Variants in HDAC2 observed in about 807,000 individuals in gnomAD.
HDAC2 encodes YY1-associated factor 1.
In HDAC2, 5 loss-of-function variants were observed where a neutral mutation model predicts 68.5. The observed-to-expected ratio is 0.07, with a 90% confidence interval of 0.04 to 0.15. The LOEUF (loss-of-function observed/expected upper bound fraction) is 0.15, where lower values mean the gene tolerates loss of function less well. Ranked by LOEUF, HDAC2 falls within the 10% of genes least tolerant of loss-of-function variation. The pLI, the probability that HDAC2 is intolerant of heterozygous loss-of-function variation, is 1.00. For missense variants in HDAC2, 291 were observed against 600.8 expected, an observed-to-expected ratio of 0.48 and a Z score of 5.39; for synonymous variants, 182 against 191.3, an observed-to-expected ratio of 0.95 and a Z score of 0.40.
At position 113,960,006 on chromosome 6, in the gene HDAC2, T is replaced by A; in HGVS notation, c.65A>T (p.Asn22Ile). The change falls in exon 2 of 14, where the codon AAT becomes ATT. Residue 22 changes from asparagine (N) to isoleucine (I), a missense_variant. This residue lies in a region of HDAC2 where 154 missense variants were observed against 472.1 expected (regional missense o/e 0.33). Transcript: ENST00000519065. ...VCYYYDGDIG[N>I]YYYGQGHPMK... ...GGGATGACCCTGTCCATAATAATAA[T>A]TTCCAATATCACCTAAAATAGAAAA... 3 of 1,510,582 alleles carry A rather than the reference T, an allele frequency of 2.0e-6. No homozygotes were observed. Among genetic ancestry groups the A allele is most frequent in the Non-Finnish European group, 2.8e-6 (3 of 1,086,222 alleles). 93.6% of individuals were successfully genotyped at this position (1,510,582 alleles called of 1,614,324 possible).
rs1352592381 is a variant in HDAC2 at position 113,949,237 on chromosome 6, T to C, written c.663A>G (p.Lys221=). 1 of 1,600,974 alleles carries C rather than the reference T, an allele frequency of 6.2e-7. No homozygotes were observed. Among genetic ancestry groups the C allele is most frequent in the South Asian group, 1.1e-5 (1 of 90,848 alleles). The stretch of plus-strand genomic sequence containing the variant: ...TCATTGGAAAATTGACAGCATAGTA[T>C]TTGCCTTTTCCAGCACCAATATCCT... ...DLRDIGAGKG[K]YYAVNFPMRD... The change falls in exon 7 of 14, where the codon AAA becomes AAG. Residue 221 remains lysine (K), a synonymous_variant. Coordinates refer to ENST00000519065, the MANE Select transcript of HDAC2 (RefSeq NM_001527.4).
rs1415387007 is a variant in HDAC2 at position 113,936,582 on chromosome 6, T to C, written c.*4476A>G. The C allele has an allele frequency of 1.3e-5, 2 of 152,148 alleles. No homozygotes were observed. The highest frequency in any genetic ancestry group is 2.1e-4 in the South Asian group (1 of 4,830). The allele number at this position is 152,148 out of a possible 1,614,324, so 9.4% of individuals were successfully genotyped here. ...TATGACCTAGTAGTCTTCACACTAG[T>C]AGGCATCAAACTGCAATAAAAGGCT... On this transcript the variant is annotated 3_prime_UTR_variant, in exon 14 of 14. Transcript: ENST00000519065.
At chr6:113,958,995 T>C (rs934940769) in intron 2 of HDAC2, among the ~76,000 whole-genome samples, 5 of 152,166 alleles carry the variant, frequency 3.3e-5, no homozygotes, top group Non-Finnish European at 5.9e-5. Flanking sequence ...ATATCAACTA[T>C]GATTTAATCA....
chr6:113,953,582 T>G (rs893374983), intron 5 of HDAC2, among the ~76,000 whole-genome samples, 164 bp from the exon 6 acceptor site: 2 of 152,248 alleles, frequency 1.3e-5, no homozygotes, highest in Non-Finnish European at 2.9e-5. Context: ...GGTTTGAGCC[T>G]CAGGCCTTTA....
At chr6:113,942,368 G>A (rs1776156113) in intron 12 of HDAC2, among the ~76,000 whole-genome samples, 1 of 148,136 alleles carries the variant, frequency 6.8e-6, no homozygotes, top group Non-Finnish European at 1.5e-5. Context: ...ATTGAGGAGT[G>A]AATCCACAAG....
chr6:113,952,038 G>A (rs529091064), intron 6 of HDAC2, among the ~76,000 whole-genome samples: 2 of 152,300 alleles, frequency 1.3e-5, no homozygotes, highest in South Asian at 2.1e-4. Context: ...CCACTAGGAT[G>A]TAATGGTTGT....
In HDAC2 at chr6:113,938,453, T is replaced by G. The variant is rs1051785385; in HGVS notation, c.*2605A>C. ...TTTTTGTTATCAAATATATCTTTTA[T>G]AGTTGAGTTTGGTGTCACACTTAGG... is the stretch of plus-strand genomic sequence containing the variant. On this transcript the variant is annotated 3_prime_UTR_variant, in exon 14 of 14. Coordinates refer to ENST00000519065, the MANE Select transcript of HDAC2 (RefSeq NM_001527.4). 6.6e-6 allele frequency: 1 copy of G among 152,166 alleles called. No homozygotes were observed. The highest frequency in any genetic ancestry group is 2.4e-5 in the African/African-American group (1 of 41,450). The allele number at this position is 152,166 out of a possible 1,614,324, so 9.4% of individuals were successfully genotyped here. A position where few individuals can be genotyped will look rare whatever the true frequency, so the allele number is the denominator to read the frequency against.
rs796921870 is a variant in HDAC2 at position 113,953,193 on chromosome 6, GGA to G, written c.639+82_639+83del. ...ATACAAGTTTCAAATTATTAACTCA[GGA>G]GAAAAATACTACTTCAAGTATAGGA... is the stretch of plus-strand genomic sequence containing the variant. On this transcript the variant is annotated intron_variant, in intron 6 of 13. Coordinates refer to ENST00000519065, the MANE Select transcript of HDAC2 (RefSeq NM_001527.4). The G allele has an allele frequency of 1.1e-4, 105 of 934,162 alleles. No individual in the cohort carries two copies. In the African/African-American group the frequency reaches 1.6e-3, roughly 14 times the overall value. 57.9% of individuals were successfully genotyped at this position (934,162 alleles called of 1,614,324 possible).
Position 113,946,159 on chromosome 6 carries a change from A to G in HDAC2, c.842-11T>C, listed in dbSNP as rs752120936. 4 of 1,605,932 alleles carry G rather than the reference A, an allele frequency of 2.5e-6. No individual in the cohort carries two copies. The highest frequency in any genetic ancestry group is 8.5e-7 in the Non-Finnish European group (1 of 1,175,454). On this transcript the variant is annotated splice_polypyrimidine_tract_variant and intron_variant, in intron 8 of 13. Coordinates refer to ENST00000519065, the MANE Select transcript of HDAC2 (RefSeq NM_001527.4). Reference sequence around the variant, plus strand: ...CACATTTAGCATGACCTAAGACAAGAAGATTTGGGTAACAACAAAATCTGC... The same window carrying G: ...CACATTTAGCATGACCTAAGACAAGGAGATTTGGGTAACAACAAAATCTGC...
intron 1 of HDAC2, among the ~76,000 whole-genome samples, chr6:113,960,285 C>A (rs1776650598): frequency 6.6e-6 from 1 of 151,836 alleles, no homozygotes; most frequent in Admixed American, 6.6e-5. Flanking sequence ...TTTAGCTACC[C>A]CCAATTTTTA....
At chr6:113,970,289 G>A (rs1776951276) in intron 1 of HDAC2, 1 of 219,442 alleles carries the variant, frequency 4.6e-6, no homozygotes, top group Non-Finnish European at 7.7e-6. Context: ...GTAAGCCGAG[G>A]AAGGAGAAGA....
chr6:113,967,389 A>G (rs1419247597), intron 1 of HDAC2, among the ~76,000 whole-genome samples: 1 of 152,128 alleles, frequency 6.6e-6, no homozygotes, highest in Non-Finnish European at 1.5e-5. Context: ...TCAGTCTCCC[A>G]AAGTGCTGAG....
At position 113,935,056 on chromosome 6, in the gene HDAC2, G is replaced by A. The variant is rs1272799956; in HGVS notation, c.*6002C>T. The stretch of plus-strand genomic sequence containing the variant: ...TAAGAATATAACTTTGGAAATACTG[G>A]TGAATGGTAGATCTCCCATCCTCAT... On this transcript the variant is annotated 3_prime_UTR_variant, in exon 14 of 14. Transcript: ENST00000519065. 1 of 152,154 alleles carries A rather than the reference G, an allele frequency of 6.6e-6. No homozygotes were observed. The highest frequency in any genetic ancestry group is 1.5e-5 in the Non-Finnish European group (1 of 68,042). The allele number at this position is 152,154 out of a possible 1,614,324, so 9.4% of individuals were successfully genotyped here. A position where few individuals can be genotyped will look rare whatever the true frequency, so the allele number is the denominator to read the frequency against.
intron 6 of HDAC2, among the ~76,000 whole-genome samples, chr6:113,952,714 A>ATAT (rs1424512645): frequency 1.3e-5 from 2 of 152,226 alleles, no homozygotes; most frequent in Non-Finnish European, 2.9e-5. Context: ...GAGTCATAAA[A>ATAT]GACAAGAGCA....
intron 1 of HDAC2, among the ~76,000 whole-genome samples, chr6:113,964,908 C>G (rs1347423491): frequency 6.6e-6 from 1 of 152,208 alleles, no homozygotes; most frequent in South Asian, 2.1e-4. Flanking sequence ...CATTCCTCAG[C>G]TCCAACTCCA....
At position 113,941,734 on chromosome 6, in the gene HDAC2, G is replaced by A; in HGVS notation, c.1410C>T (p.Asn470=). 6.9e-7 allele frequency: 1 copy of A among 1,453,274 alleles called. No individual in the cohort carries two copies. Among genetic ancestry groups the A allele is most frequent in the Non-Finnish European group, 9.4e-7 (1 of 1,064,796 alleles). The allele number at this position is 1,453,274 out of a possible 1,614,324, so 90.0% of individuals were successfully genotyped here. ...DVKEEDKSKD[N]SGEKTDTKGT... ...CTTTGGTATCTGTTTTTTCACCACTGTTGTCCTTGGATTTATCTTCTTCCT... is the reference window on the plus strand; with the variant it reads ...CTTTGGTATCTGTTTTTTCACCACTATTGTCCTTGGATTTATCTTCTTCCT... The change falls in exon 13 of 14, where the codon AAC becomes AAT. Residue 470 remains asparagine (N), a synonymous_variant. Transcript: ENST00000519065.
chr6:113,949,319 T>G, intron 6 of HDAC2, 59 bp from the exon 7 acceptor site: 1 of 1,057,404 alleles, frequency 9.5e-7, no homozygotes, highest in Non-Finnish European at 1.4e-6. Flanking sequence ...GTTTGGCATT[T>G]GTTTACTACA....
intron 8 of HDAC2, 78 bp downstream of exon 8, chr6:113,948,901 A>G (rs1259609165): frequency 5.9e-6 from 9 of 1,526,882 alleles, no homozygotes; most frequent in African/African-American, 4.1e-5. Context: ...AGAAACTACA[A>G]TGAGAACTTT....
At chr6:113,967,030 A>G (rs1776839267) in intron 1 of HDAC2, among the ~76,000 whole-genome samples, 1 of 152,242 alleles carries the variant, frequency 6.6e-6, no homozygotes, top group African/African-American at 2.4e-5. Flanking sequence ...TATTCAGCAA[A>G]AGACTTTGGT....
Sources: allele counts gnomAD v4.1 joint callset (sites outside exome capture counted in the v4.1 genomes callset), GRCh38; gene constraint gnomAD v4.1.1; regional missense constraint gnomAD v4.1.1; transcripts MANE v1.5; gene names NCBI Gene and HGNC (gene_info 2026-07-23, HGNC 2026-07-21).